TBC1D9B: variants seen among roughly 807,000 people sequenced by gnomAD.
TBC1D9B encodes TBC1 domain family member 9B.
A neutral mutation model predicts 121.1 loss-of-function variants in TBC1D9B; 87 were observed. That is an observed-to-expected ratio of 0.72 (90% confidence interval 0.60 to 0.86). The LOEUF is 0.86. Ranked by LOEUF, TBC1D9B falls within the 40% of genes least tolerant of loss-of-function variation. The probability of loss-of-function intolerance (pLI) is 0.00; values close to 1 mark genes in which losing one functional copy is unlikely to be tolerated. For missense variants in TBC1D9B, 1,540 were observed against 1,628.6 expected, an observed-to-expected ratio of 0.95 and a Z score of 0.94; for synonymous variants, 668 against 670.1, an observed-to-expected ratio of 1.00 and a Z score of 0.05.
intron 3 of TBC1D9B, among the ~76,000 whole-genome samples, chr5:179,898,043 C>T (rs151030971): frequency 3.9e-5 from 6 of 152,006 alleles, no homozygotes; most frequent in African/African-American, 7.2e-5. Context: ...AGGCCAGGTG[C>T]GGTGGCTGAT....
chr5:179,889,628 A>G (rs1023471256), intron 6 of TBC1D9B, among the ~76,000 whole-genome samples: 2 of 152,086 alleles, frequency 1.3e-5, no homozygotes, highest in Admixed American at 1.3e-4. Flanking sequence ...TAATCCCAGC[A>G]CTTTGGACGG....
rs374413971 is a variant in TBC1D9B, at chr5:179,879,165, G to A, written c.1449C>T (p.His483=). Reference sequence around the variant, plus strand: ...CACGCCCGTACTCGAAGAAGTGGATGTGCCATGACTCCTCTTTCATCTTCT... The same window carrying A: ...CACGCCCGTACTCGAAGAAGTGGATATGCCATGACTCCTCTTTCATCTTCT... ...AKEKMKEESW[H]IHFFEYGRGV... The change falls in exon 9 of 21, where the codon CAC becomes CAT. Residue 483 remains histidine (H), a synonymous_variant. Coordinates refer to ENST00000355235, the MANE Select transcript of TBC1D9B (RefSeq NM_015043.4). 6.2e-6 allele frequency: 10 copies of A among 1,604,942 alleles called. No homozygotes were observed. Among genetic ancestry groups the A allele is most frequent in the Non-Finnish European group, 8.5e-6 (10 of 1,179,422 alleles).
In TBC1D9B at chr5:179,894,208, G is replaced by A. The variant is rs553162703; in HGVS notation, c.577+178C>T. 7.2e-5 allele frequency among the ~76,000 whole-genome samples: 11 copies of A among 152,280 alleles called. No homozygotes were observed. The South Asian group carries it at 8.3e-4, about 11-fold the overall frequency. On this transcript the variant is annotated intron_variant, in intron 4 of 20. Coordinates refer to ENST00000355235, the MANE Select transcript of TBC1D9B (RefSeq NM_015043.4). ...GCGAGTGGGGGGCATGGTAAAAGTCGGCTGGGAGCAGGTGTACGCCTGGCC... is the reference window on the plus strand; with the variant it reads ...GCGAGTGGGGGGCATGGTAAAAGTCAGCTGGGAGCAGGTGTACGCCTGGCC...
rs944153893 is a variant in TBC1D9B, at chr5:179,891,004, T to TGGGACC, written c.1044+369_1044+374dup. 6.6e-6 allele frequency among the ~76,000 whole-genome samples: 1 copy of TGGGACC among 152,180 alleles called. No individual in the cohort carries two copies. The highest frequency in any genetic ancestry group is 2.4e-5 in the African/African-American group (1 of 41,446). On this transcript the variant is annotated intron_variant, in intron 6 of 20. Transcript: ENST00000355235. The surrounding 1 kb of genome is among the most constrained non-coding windows in gnomAD (Gnocchi z 4.3). Reference sequence around the variant, plus strand: ...TGAGGTGGCCTCTGAGAGTGACATATGGGACCGGTGCAGGAACACGGTCCT... The same window carrying TGGGACC: ...TGAGGTGGCCTCTGAGAGTGACATATGGGACCGGGACCGGTGCAGGAACACGGTCCT...
chr5:179,885,156 A>G lies in TBC1D9B; in HGVS notation c.1254+2947T>C, dbSNP rs1446105750. On this transcript the variant is annotated intron_variant, in intron 7 of 20. Coordinates refer to ENST00000355235, the MANE Select transcript of TBC1D9B (RefSeq NM_015043.4). This position sits in a 1 kb window ranked among gnomAD's most constrained non-coding sequence, Gnocchi z 4.5. ...CCAGCACTGCCCAAGAGAGATGATG[A>G]GAGCCACAAATGTAATTGTAAATTT... Among the ~76,000 whole-genome samples, 1 of 152,206 alleles carries G rather than the reference A, an allele frequency of 6.6e-6. No individual in the cohort carries two copies. The highest frequency in any genetic ancestry group is 1.9e-4 in the East Asian group (1 of 5,200).
chr5:179,906,740 G>A (rs155796), intron 1 of TBC1D9B, among the ~76,000 whole-genome samples: 62,543 of 152,092 alleles, frequency 0.41, 13,937 homozygotes, highest in East Asian at 0.76. Context: ...GAAGAAACGT[G>A]GCCCAGGAGA....
chr5:179,883,857 G>A (rs1561641532), intron 7 of TBC1D9B, among the ~76,000 whole-genome samples: 1 of 152,132 alleles, frequency 6.6e-6, no homozygotes, highest in Non-Finnish European at 1.5e-5. Context: ...GGCAGTTGTG[G>A]GTCAGAGTAG....
In TBC1D9B at chr5:179,899,212, T is replaced by C; in HGVS notation, c.325A>G (p.Thr109Ala). The C allele has an allele frequency of 6.3e-7, 1 of 1,597,198 alleles. No individual in the cohort carries two copies. The highest frequency in any genetic ancestry group is 8.5e-7 in the Non-Finnish European group (1 of 1,173,442). Reference sequence around the variant, plus strand: ...ACGTGTATCTTGCCCTTGACGAAGGTGGTGATATCTTCCTCACTGTCGAAG... The same window carrying C: ...ACGTGTATCTTGCCCTTGACGAAGGCGGTGATATCTTCCTCACTGTCGAAG... ...SIFDSEEDIT[T>A]FVKGKIHGII... The change falls in exon 3 of 21, where the codon ACC becomes GCC. Residue 109 changes from threonine (T) to alanine (A), a missense_variant. Thr to Ala is a moderately conservative substitution (Grantham distance 58, BLOSUM62 0). Transcript: ENST00000355235.
Position 179,904,861 on chromosome 5 carries a change from A to C in TBC1D9B, c.119-49T>G. The C allele has an allele frequency of 1.4e-6, 2 of 1,391,762 alleles. No homozygotes were observed. Among genetic ancestry groups the C allele is most frequent in the South Asian group, 2.6e-5 (2 of 76,764 alleles). 86.2% of individuals were successfully genotyped at this position (1,391,762 alleles called of 1,614,324 possible). On this transcript the variant is annotated intron_variant, in intron 1 of 20. Transcript: ENST00000355235. The surrounding 1 kb of genome is among the most constrained non-coding windows in gnomAD (Gnocchi z 4.2). ...AGAGGGTGAGGGGAGGGCCGGACTG[A>C]GGCCCCTGAAGGCTGAGTCTGGCCG... is the stretch of plus-strand genomic sequence containing the variant.
In TBC1D9B at chr5:179,875,921, C is replaced by T. The variant is rs61739270; in HGVS notation, c.1899G>A (p.Val633=). The change falls in exon 11 of 21, where the codon GTG becomes GTA. Residue 633 remains valine, a splice_region_variant and synonymous_variant. Transcript: ENST00000355235. This position sits in a 1 kb window ranked among gnomAD's most constrained non-coding sequence, Gnocchi z 4.5. ...MLPDYYNTRV[V]GALVDQGIFE... Reference sequence around the variant, plus strand: ...GAGGCAGCACCCGGGGACACTCACCCACCACCCTGGTGTTGTAGTAGTCGG... The same window carrying T: ...GAGGCAGCACCCGGGGACACTCACCTACCACCCTGGTGTTGTAGTAGTCGG... The T allele has an allele frequency of 0.024, 38,054 of 1,602,722 alleles. 569 individuals carry two copies. The highest frequency in any genetic ancestry group is 0.048 in the Middle Eastern group (256 of 5,304).
At chr5:179,887,184 G>C (rs1760712395) in intron 7 of TBC1D9B, among the ~76,000 whole-genome samples, 1 of 152,256 alleles carries the variant, frequency 6.6e-6, no homozygotes, top group Non-Finnish European at 1.5e-5. Flanking sequence ...CCAGACGAAA[G>C]GAGGAATGGA....
Position 179,907,399 on chromosome 5 carries a change from C to G in TBC1D9B, c.118+305G>C, listed in dbSNP as rs1761354100. 6.6e-6 allele frequency among the ~76,000 whole-genome samples: 1 copy of G among 151,758 alleles called. No individual in the cohort carries two copies. Among genetic ancestry groups the G allele is most frequent in the African/African-American group, 2.4e-5 (1 of 41,436 alleles). On this transcript the variant is annotated intron_variant, in intron 1 of 20. Coordinates refer to ENST00000355235, the MANE Select transcript of TBC1D9B (RefSeq NM_015043.4). The surrounding 1 kb of genome is among the most constrained non-coding windows in gnomAD (Gnocchi z 5.3). ...CCGGGAAGCTGCACGGCCCCCGGGG[C>G]TCGCGGGCGCCGAATCCGGGCAGAA...
chr5:179,888,463 C>T (rs745541518), intron 6 of TBC1D9B, 151 bp from the exon 7 acceptor site: 25 of 842,432 alleles, frequency 3.0e-5, no homozygotes, highest in Non-Finnish European at 3.7e-5. Context: ...CTCTGCCACC[C>T]GCTGCACCTA....
intron 2 of TBC1D9B, among the ~76,000 whole-genome samples, chr5:179,903,424 G>A (rs762556423): frequency 2.6e-5 from 4 of 152,140 alleles, no homozygotes; most frequent in East Asian, 1.9e-4. Flanking sequence ...GGGTGAGTGC[G>A]CTTCCACCTA....
rs1760828739 is a variant in TBC1D9B, at chr5:179,890,396, C to A, written c.1044+983G>T. Among the ~76,000 whole-genome samples, 2 of 150,672 alleles carry A rather than the reference C, an allele frequency of 1.3e-5. No homozygotes were observed. Among genetic ancestry groups the A allele is most frequent in the South Asian group, 2.1e-4 (1 of 4,828 alleles). ...AACGGAGCCTCAGGTGTCAGGAAGA[C>A]CCCTAGGCCTGGGGGACAGGTCAGT... On this transcript the variant is annotated intron_variant, in intron 6 of 20. Transcript: ENST00000355235. The surrounding 1 kb of genome is among the most constrained non-coding windows in gnomAD (Gnocchi z 5.0).
chr5:179,875,056 C>A lies in TBC1D9B; in HGVS notation c.2032G>T (p.Val678Phe), dbSNP rs200585012. The change falls in exon 12 of 21, where the codon GTC (valine) becomes TTC (phenylalanine). Residue 678 changes from valine to phenylalanine, a missense_variant. Coordinates refer to ENST00000355235, the MANE Select transcript of TBC1D9B (RefSeq NM_015043.4). This position sits in a 1 kb window ranked among gnomAD's most constrained non-coding sequence, Gnocchi z 4.5. ...LSWFLTLFLS[V>F]MPFESAVVIV... The stretch of plus-strand genomic sequence containing the variant: ...ACCACGGCGCTCTCGAAGGGCATGA[C>A]GCTGAGGAAGAGGGTCAGGAACCAG... The A allele has an allele frequency of 3.1e-6, 5 of 1,614,110 alleles. No homozygotes were observed. The African/African-American group carries it at 5.3e-5, about 17-fold the overall frequency.
rs1237145934 is a variant in TBC1D9B at position 179,874,586 on chromosome 5, A to G, written c.2186+316T>C. Among the ~76,000 whole-genome samples the G allele has an allele frequency of 6.6e-6, 1 of 152,154 alleles. No homozygotes were observed. The highest frequency in any genetic ancestry group is 2.4e-5 in the African/African-American group (1 of 41,446). ...CATGAAATGCCCAGCTGTGCCACCA[A>G]CTGGAATTGTGGTCACTGGATCTTG... On this transcript the variant is annotated intron_variant, in intron 12 of 20. Coordinates refer to ENST00000355235, the MANE Select transcript of TBC1D9B (RefSeq NM_015043.4). The surrounding 1 kb of genome is among the most constrained non-coding windows in gnomAD (Gnocchi z 4.3).
chr5:179,877,875 T>C (rs1760405577), intron 10 of TBC1D9B, among the ~76,000 whole-genome samples: 1 of 152,114 alleles, frequency 6.6e-6, no homozygotes, highest in Non-Finnish European at 1.5e-5. Flanking sequence ...CAATGGAAAG[T>C]AGAACAGTGG....
intron 14 of TBC1D9B, 44 bp downstream of exon 14, chr5:179,872,848 G>GCCCCCCCCCCCCACCC: frequency 1.4e-6 from 2 of 1,457,254 alleles, no homozygotes; most frequent in East Asian, 2.4e-5. Flanking sequence ...AGGCACTGCT[G>GCCCCCCCCCCCCACCC]CCCCCCCAGC....
Sources: gnomAD v4.1 joint callset for allele counts (sites outside exome capture counted in the v4.1 genomes callset) on GRCh38, gnomAD v4.1.1 for gene constraint, Gnocchi (gnomAD v3.1) non-coding constraint, MANE v1.5 for transcripts, NCBI Gene and HGNC (gene_info 2026-07-23, HGNC 2026-07-21) for gene names.